The following GBP4 variants were observed in gnomAD, a reference collection of about 807,000 sequenced individuals.
The protein encoded by GBP4 is guanylate binding protein 4, also known as guanylate-binding protein 4.
A neutral mutation model predicts 62.2 loss-of-function variants in GBP4; 69 were observed. That is an observed-to-expected ratio of 1.11 (90% CI 0.91 to 1.36). The LOEUF (loss-of-function observed/expected upper bound fraction) is 1.36, where lower values mean the gene tolerates loss of function less well. Ranked by LOEUF, GBP4 falls within the 40% of genes most tolerant of loss-of-function variation. GBP4 has a pLI of 0.00. For synonymous variants in GBP4, 278 were observed against 274.6 expected (o/e 1.01, Z -0.12); for missense variants, 697 against 759.3 (o/e 0.92, Z 0.96).
At chr1:89,190,368 T>A in intron 6 of GBP4, 50 bp from the exon 7 acceptor site, 1 of 1,478,562 alleles carries the variant, frequency 6.8e-7, no homozygotes, top group Non-Finnish European at 9.1e-7. Context: ...TCATTATTTA[T>A]ACAAGTTTTA....
At chr1:89,193,641 A>T (rs904086293) in intron 3 of GBP4, among the ~76,000 whole-genome samples, 9 of 152,254 alleles carry the variant, frequency 5.9e-5, no homozygotes, top group African/African-American at 1.2e-4. Context: ...TGTGAGTAAC[A>T]TTCAATAAAG....
At chr1:89,192,653 A>C (rs956130949) in intron 5 of GBP4, among the ~76,000 whole-genome samples, 1 of 152,222 alleles carries the variant, frequency 6.6e-6, no homozygotes, top group Admixed American at 6.5e-5. Flanking sequence ...CATGATACTT[A>C]TTGGTCTAAA....
intron 2 of GBP4, 140 bp from the exon 3 acceptor site, chr1:89,195,564 T>C (rs1181480927): frequency 1.1e-6 from 1 of 945,358 alleles, no homozygotes; most frequent in Admixed American, 2.8e-5. Flanking sequence ...GGACAACTAA[T>C]CTGACCTTTA....
chr1:89,186,267 G>T, intron 10 of GBP4, 66 bp downstream of exon 10: 1 of 1,367,694 alleles, frequency 7.3e-7, no homozygotes. Flanking sequence ...TAAAATTTTG[G>T]TCCTTCCTTT....
intron 9 of GBP4, among the ~76,000 whole-genome samples, chr1:89,186,757 A>G (rs1044932969): frequency 2.0e-5 from 3 of 152,240 alleles, no homozygotes; most frequent in Admixed American, 6.5e-5. Flanking sequence ...AGCAGAGTAT[A>G]TGTTCTATAG....
At chr1:89,192,799 A>G in intron 5 of GBP4, 105 bp downstream of exon 5, 1 of 1,070,802 alleles carries the variant, frequency 9.3e-7, no homozygotes, top group Non-Finnish European at 1.3e-6. Flanking sequence ...TGGGCCTCAA[A>G]TCAATCCAGT....
rs1325036099 is a variant in GBP4, at chr1:89,198,862, C to G, written c.-28G>C. 3 of 1,610,662 alleles carry G rather than the reference C, an allele frequency of 1.9e-6. No individual in the cohort carries two copies. The East Asian group carries it at 6.7e-5, about 36-fold the overall frequency. ...CTCTGTCCTCCTGCGCCTGGATCCT[C>G]GAGAAACGGACTGTTCTTAGAAGCT... On this transcript the variant is annotated 5_prime_UTR_variant, in exon 1 of 11. Coordinates refer to ENST00000355754, the MANE Select transcript of GBP4 (RefSeq NM_052941.5).
At chr1:89,195,251 A>G (rs370898761) in intron 3 of GBP4, 46 bp downstream of exon 3, 2 of 1,598,310 alleles carry the variant, frequency 1.3e-6, no homozygotes, top group Non-Finnish European at 1.7e-6. Context: ...TGAAAAAATT[A>G]AAAGATGAGA....
chr1:89,197,278 T>G lies in GBP4; in HGVS notation c.67A>C (p.Met23Leu), dbSNP rs1226834098. ...PGYPESESIM[M>L]APICLVENQE... ...TTTTCCACTAGACAAATGGGGGCCA[T>G]CATGATGGATTCAGATTCTGGATAA... is the stretch of plus-strand genomic sequence containing the variant. Residue 23 changes from methionine to leucine, a missense_variant, in exon 2 of 11, where the codon ATG becomes CTG. Met to Leu is a conservative substitution (Grantham distance 15). Transcript: ENST00000355754. 1 of 1,613,996 alleles carries G rather than the reference T, an allele frequency of 6.2e-7. No individual in the cohort carries two copies. Among genetic ancestry groups the G allele is most frequent in the Non-Finnish European group, 8.5e-7 (1 of 1,179,924 alleles).
chr1:89,194,213 T>G (rs932166194), intron 3 of GBP4, among the ~76,000 whole-genome samples: 1 of 152,124 alleles, frequency 6.6e-6, no homozygotes, highest in Non-Finnish European at 1.5e-5. Flanking sequence ...GCAGTGAGTA[T>G]GCATGTTGGT....
chr1:89,187,125 A>G, intron 8 of GBP4, 23 bp from the exon 9 acceptor site: 1 of 1,597,872 alleles, frequency 6.3e-7, no homozygotes, highest in Non-Finnish European at 8.6e-7. Context: ...GAAAGAGCAA[A>G]GACCTGTCAG....
rs565214925 is a variant in GBP4, at chr1:89,195,981, G to A, written c.236-557C>T. Reference sequence around the variant, plus strand: ...GCAGGATGTAAAATTCTCAGTCACTGCTAATAAGCATGTAAATTGCATTTG... The same window carrying A: ...GCAGGATGTAAAATTCTCAGTCACTACTAATAAGCATGTAAATTGCATTTG... On this transcript the variant is annotated intron_variant, in intron 2 of 10. Coordinates refer to ENST00000355754, the MANE Select transcript of GBP4 (RefSeq NM_052941.5). Among the ~76,000 whole-genome samples, 4 of 152,326 alleles carry A rather than the reference G, an allele frequency of 2.6e-5. No individual in the cohort carries two copies. The East Asian group carries it at 5.8e-4, about 22-fold the overall frequency.
chr1:89,198,819 G>C lies in GBP4; in HGVS notation c.16C>G (p.Leu6Val). ...CCTGGTGTGGGCACTGCAGCGTGAA[G>C]AGTTCTCTCACCCATTGCTCTGTCC... MGERT[L>V]HAAVPTPGYP... Residue 6 changes from leucine to valine, a missense_variant, in exon 1 of 11, where the codon CTT (leucine) becomes GTT (valine). By Grantham distance (32) the Leu-to-Val change is conservative. This residue lies in a region of GBP4 where 556 missense variants were observed against 562.7 expected (regional missense o/e 0.99). Coordinates refer to ENST00000355754, the MANE Select transcript of GBP4 (RefSeq NM_052941.5). 1 of 1,613,992 alleles carries C rather than the reference G, an allele frequency of 6.2e-7. No individual in the cohort carries two copies.
intron 9 of GBP4, 21 bp from the exon 10 acceptor site, chr1:89,186,547 A>G (rs1158110451): frequency 6.2e-7 from 1 of 1,608,672 alleles, no homozygotes; most frequent in South Asian, 1.1e-5. Flanking sequence ...AAGGTTTTAG[A>G]GAGGGAAGAA....
intron 6 of GBP4, among the ~76,000 whole-genome samples, chr1:89,190,630 T>C (rs1648157137): frequency 6.6e-6 from 1 of 152,062 alleles, no homozygotes; most frequent in South Asian, 2.1e-4. Context: ...TATAAATGAG[T>C]TTGTTAGCAG....
Position 89,185,194 on chromosome 1 carries a change from T to A in GBP4, c.*60A>T, listed in dbSNP as rs1647997841. On this transcript the variant is annotated 3_prime_UTR_variant, in exon 11 of 11. Transcript: ENST00000355754. Reference sequence around the variant, plus strand: ...ATACTTACAAAATGAGCAACAGTGTTATGTTATTAAAATAAAATAAACCTC... The same window carrying A: ...ATACTTACAAAATGAGCAACAGTGTAATGTTATTAAAATAAAATAAACCTC... 8 of 1,017,322 alleles carry A rather than the reference T, an allele frequency of 7.9e-6. No homozygotes were observed. The highest frequency in any genetic ancestry group is 1.6e-5 in the African/African-American group (1 of 62,164). The allele number at this position is 1,017,322 out of a possible 1,614,324, so 63.0% of individuals were successfully genotyped here.
intron 7 of GBP4, among the ~76,000 whole-genome samples, 191 bp from the exon 8 acceptor site, chr1:89,188,985 C>T (rs997800652): frequency 1.3e-5 from 2 of 152,180 alleles, no homozygotes; most frequent in African/African-American, 2.4e-5. Context: ...TTTAACCCCC[C>T]AGGGGTCAGG....
Position 89,185,348 on chromosome 1 carries a change from A to T in GBP4, c.1829T>A (p.Ile610Asn). 1.2e-6 allele frequency: 2 copies of T among 1,611,266 alleles called. No homozygotes were observed. The highest frequency in any genetic ancestry group is 1.3e-5 in the African/African-American group (1 of 74,984). The change falls in exon 11 of 11, where the codon ATC becomes AAC. Residue 610 changes from isoleucine (I) to asparagine (N), a missense_variant. By Grantham distance (149) the Ile-to-Asn change is moderately radical (BLOSUM62 -3). This residue lies in a region of GBP4 where 141 missense variants were observed against 196.6 expected (regional missense o/e 0.72). Transcript: ENST00000355754. ...CATTATGTTGCTAGCCATGTCAAGG[A>T]TCTTTAAGAGCCTTAACTGTTCATT... The part of the protein sequence containing the change: ...TKNEQLRLLK[I>N]LDMASNIMIV...
At chr1:89,189,789 C>T (rs1045608363) in intron 7 of GBP4, among the ~76,000 whole-genome samples, 10 of 152,136 alleles carry the variant, frequency 6.6e-5, no homozygotes, top group African/African-American at 1.9e-4. Flanking sequence ...TTCTGACCTA[C>T]ATAACTATGA....
Sources: allele counts gnomAD v4.1 joint callset (sites outside exome capture counted in the v4.1 genomes callset), GRCh38; gene constraint gnomAD v4.1.1; regional missense constraint gnomAD v4.1.1; transcripts MANE v1.5; gene names NCBI Gene and HGNC (gene_info 2026-07-23, HGNC 2026-07-21).